Variants in DCX observed in about 807,000 individuals in gnomAD.
DCX encodes neuronal migration protein doublecortin.
Under a neutral mutation model 20.9 loss-of-function variants are expected in DCX, and 4 were observed. The ratio of observed to expected loss-of-function variants is 0.19; its 90% confidence interval spans 0.09 to 0.44. The LOEUF (loss-of-function observed/expected upper bound fraction) is 0.44. Ranked by LOEUF, DCX falls within the 20% of genes least tolerant of loss-of-function variation. DCX has a pLI of 0.99. For missense variants in DCX, 133 were observed against 296.9 expected, an observed-to-expected ratio of 0.45 and a Z score of 4.06; for synonymous variants, 103 against 111.4, an observed-to-expected ratio of 0.92 and a Z score of 0.47.
intron 3 of DCX, among the ~76,000 whole-genome samples, chrX:111,388,245 A>G (rs1037175166): frequency 1.4e-4 from 16 of 111,614 alleles, no homozygotes; most frequent in Admixed American, 1.2e-3. Context: ...TCTATAGTTT[A>G]TATCAGAGAT....
chrX:111,355,924 C>A (rs946723528), intron 3 of DCX, among the ~76,000 whole-genome samples: 9 of 111,803 alleles, frequency 8.0e-5, no homozygotes, highest in Non-Finnish European at 1.5e-4. Flanking sequence ...CTGACCATTA[C>A]AAACAATACT....
rs2095034168 is a variant in DCX at position 111,301,638 on chromosome X, A to G, written c.*49T>C. 1 of 1,160,206 alleles carries G rather than the reference A, an allele frequency of 8.6e-7. No individual in the cohort carries two copies. Among genetic ancestry groups the G allele is most frequent in the Non-Finnish European group, 1.2e-6 (1 of 849,966 alleles). On this transcript the variant is annotated 3_prime_UTR_variant, in exon 7 of 7. Transcript: ENST00000636035. ...CACTTGAGCAGAAGTACCCTACTAC[A>G]ATGATAGGCTTGGATTTGTACTCTG...
chrX:111,341,450 T>C (rs1054226840), intron 3 of DCX, among the ~76,000 whole-genome samples: 1 of 110,905 alleles, frequency 9.0e-6, no homozygotes, highest in African/African-American at 3.3e-5. Flanking sequence ...AAAAACACAC[T>C]TCAGGGTATT....
Position 111,312,676 on chromosome X carries a change from G to A in DCX, c.1007C>T (p.Thr336Met), listed in dbSNP as rs780314121. 6.6e-6 allele frequency: 8 copies of A among 1,211,866 alleles called. No individual in the cohort carries two copies. The highest frequency in any genetic ancestry group is 3.0e-5 in the East Asian group (1 of 33,846). The part of the protein sequence containing the change: ...TPKSKQSPIS[T>M]PTSPGSLRKH... ...CCGGAGGCTGCCAGGACTGGTGGGC[G>A]TAGAGATGGGAGACTGCTTAGACTT... Residue 336 changes from threonine (T) to methionine (M), a missense_variant, in exon 6 of 7, where the codon ACG becomes ATG. By Grantham distance (81) the Thr-to-Met change is moderately conservative (BLOSUM62 -1). This residue lies in a region of DCX where 68 missense variants were observed against 84.3 expected (regional missense o/e 0.81). Transcript: ENST00000636035.
At chrX:111,406,048 A>G (rs181922695) in intron 2 of DCX, among the ~76,000 whole-genome samples, 3 of 112,586 alleles carry the variant, frequency 2.7e-5, no homozygotes, top group Admixed American at 9.4e-5. Flanking sequence ...TCTATGCTCT[A>G]TTATTCCTTT....
At chrX:111,408,645 A>AGAAG (rs1928422184) in intron 2 of DCX, among the ~76,000 whole-genome samples, 1 of 93,383 alleles carries the variant, frequency 1.1e-5, no homozygotes. Flanking sequence ...AAAGAAAGAA[A>AGAAG]GAAAGAAAGA....
chrX:111,365,313 T>G (rs1374596227), intron 3 of DCX, among the ~76,000 whole-genome samples: 2 of 109,761 alleles, frequency 1.8e-5, no homozygotes, highest in South Asian at 3.9e-4. Flanking sequence ...TATTAAAATT[T>G]TGTGTGTGTG....
At chrX:111,322,261 G>A (rs185895178) in intron 5 of DCX, among the ~76,000 whole-genome samples, 5 of 111,400 alleles carry the variant, frequency 4.5e-5, no homozygotes, top group Non-Finnish European at 7.5e-5. Context: ...TATGGCTTGC[G>A]TAAATGGTAT....
At chrX:111,349,128 G>A (rs188927648) in intron 3 of DCX, among the ~76,000 whole-genome samples, 1 of 111,506 alleles carries the variant, frequency 9.0e-6, no homozygotes, top group Admixed American at 9.5e-5. Context: ...TATAGTTTAG[G>A]GGGGTTAAGG....
chrX:111,327,572 T>C (rs1380277358), intron 5 of DCX, among the ~76,000 whole-genome samples: 1 of 112,293 alleles, frequency 8.9e-6, no homozygotes, highest in African/African-American at 3.2e-5. Flanking sequence ...ATTATCCTTA[T>C]CTATAGAGAT....
At chrX:111,328,077 C>G (rs937688717) in intron 5 of DCX, among the ~76,000 whole-genome samples, 1 of 112,257 alleles carries the variant, frequency 8.9e-6, no homozygotes, top group Non-Finnish European at 1.9e-5. Flanking sequence ...ACTGAGAACA[C>G]CATGTTAGAT....
chrX:111,383,923 C>A (rs774034208), intron 3 of DCX, among the ~76,000 whole-genome samples: 4 of 111,149 alleles, frequency 3.6e-5, no homozygotes, highest in Non-Finnish European at 5.7e-5. Context: ...GGACTAAGGT[C>A]TCTTACAGCT....
intron 3 of DCX, among the ~76,000 whole-genome samples, chrX:111,377,322 T>G (rs928863618): frequency 2.7e-5 from 3 of 111,930 alleles, no homozygotes; most frequent in Non-Finnish European, 5.6e-5. Context: ...TTCACACTGA[T>G]AGACCTGACC....
chrX:111,339,909 TC>T (rs2147649771), intron 3 of DCX, among the ~76,000 whole-genome samples: 1 of 112,466 alleles, frequency 8.9e-6, no homozygotes, highest in South Asian at 3.7e-4. Flanking sequence ...TTTCTCCCTC[TC>T]CCTGGTCACG....
chrX:111,387,513 C>G (rs922561793), intron 3 of DCX, among the ~76,000 whole-genome samples: 17 of 111,516 alleles, frequency 1.5e-4, no homozygotes, highest in Middle Eastern at 4.2e-3. Flanking sequence ...ACATCAATTC[C>G]CAACAGGAGA....
chrX:111,374,691 C>T (rs1925385808), intron 3 of DCX, among the ~76,000 whole-genome samples: 2 of 110,311 alleles, frequency 1.8e-5, no homozygotes, highest in Admixed American at 1.9e-4. Flanking sequence ...TCCACCCTCA[C>T]CTCAAGTAGC....
At chrX:111,304,889 G>C (rs2095041609) in intron 6 of DCX, among the ~76,000 whole-genome samples, 1 of 111,553 alleles carries the variant, frequency 9.0e-6, no homozygotes, top group Admixed American at 9.5e-5. Flanking sequence ...AAAGAAGCGA[G>C]ATGGCCCTAA....
chrX:111,401,130 C>T lies in DCX; in HGVS notation c.565G>A (p.Val189Met). 1 of 1,211,525 alleles carries T rather than the reference C, an allele frequency of 8.3e-7. No individual in the cohort carries two copies. Among genetic ancestry groups the T allele is most frequent in the Non-Finnish European group, 1.1e-6 (1 of 895,486 alleles). The change falls in exon 3 of 7, where the codon GTG (valine) becomes ATG (methionine). Residue 189 changes from valine to methionine, a missense_variant. By Grantham distance (21) the Val-to-Met change is conservative. Coordinates refer to ENST00000636035, the MANE Select transcript of DCX (RefSeq NM_001195553.2). Reference protein sequence around the residue: ...PKLVTIIRSGVKPRKAVRVLL... With the variant: ...PKLVTIIRSGMKPRKAVRVLL... ...ACACGCACAGCCTTCCGAGGCTTCA[C>T]CCCACTGCGGATGATGGTAACCAGC... is the stretch of plus-strand genomic sequence containing the variant.
intron 3 of DCX, among the ~76,000 whole-genome samples, chrX:111,373,236 T>G: frequency 8.9e-6 from 1 of 112,076 alleles, no homozygotes; most frequent in African/African-American, 3.2e-5. Flanking sequence ...CTTTTATCAT[T>G]ATCCTTCTAG....
Sources: gnomAD v4.1 joint callset for allele counts (sites outside exome capture counted in the v4.1 genomes callset) on GRCh38, gnomAD v4.1.1 for gene constraint, gnomAD v4.1.1 regional missense constraint, MANE v1.5 for transcripts, NCBI Gene and HGNC (gene_info 2026-07-23, HGNC 2026-07-21) for gene names.